PI4KA: variants seen among roughly 807,000 people sequenced by gnomAD.
PI4KA encodes PI4-kinase alpha.
In PI4KA, 122 loss-of-function variants were observed where a neutral mutation model predicts 271.4. That is an observed-to-expected ratio of 0.45 (90% CI 0.39 to 0.52). PI4KA has a LOEUF of 0.52. Among genes scored for constraint, PI4KA ranks in the 20% least tolerant of loss-of-function variants. PI4KA has a pLI of 0.00. For missense variants in PI4KA, 1,969 were observed against 2,769.1 expected, an observed-to-expected ratio of 0.71 and a Z score of 6.48; for synonymous variants, 1,041 against 1,078.8, an observed-to-expected ratio of 0.96 and a Z score of 0.69.
At position 20,834,676 on chromosome 22, in the gene PI4KA, T is replaced by C. The variant is rs5760899; in HGVS notation, c.274-21A>G. The C allele has an allele frequency of 0.074, 107,654 of 1,464,000 alleles. 4,047 individuals carry two copies. Among genetic ancestry groups the C allele is most frequent in the Non-Finnish European group, 0.077 (80,999 of 1,047,388 alleles). The allele number at this position is 1,464,000 out of a possible 1,614,324, so 90.7% of individuals were successfully genotyped here. On this transcript the variant is annotated intron_variant, in intron 2 of 54. Coordinates refer to ENST00000255882, the MANE Select transcript of PI4KA (RefSeq NM_058004.4). ...TTGTGCTAAAAAATAATAAGAAGAA[T>C]AATAAATTAGATTTAATAAAATAAG... is the stretch of plus-strand genomic sequence containing the variant.
chr22:20,841,102 A>G (rs1179428171), intron 1 of PI4KA, among the ~76,000 whole-genome samples: 1 of 152,024 alleles, frequency 6.6e-6, no homozygotes, highest in Non-Finnish European at 1.5e-5. Context: ...CTGGTCTCGA[A>G]CTCCTTATCT....
intron 3 of PI4KA, among the ~76,000 whole-genome samples, chr22:20,829,957 C>T (rs755780662): frequency 5.3e-5 from 8 of 152,122 alleles, no homozygotes; most frequent in Non-Finnish European, 1.2e-4. Context: ...TAATTATATG[C>T]TTTCAGTGAT....
chr22:20,726,651 G>C, intron 41 of PI4KA, 110 bp from the exon 42 acceptor site: 2 of 966,584 alleles, frequency 2.1e-6, no homozygotes, highest in Non-Finnish European at 3.0e-6. Flanking sequence ...GCTGAGAACT[G>C]GGGAAAGCCC....
Position 20,751,322 on chromosome 22 carries a change from T to C in PI4KA, c.3124A>G (p.Thr1042Ala). The change falls in exon 27 of 55, where the codon ACG becomes GCG. Residue 1042 changes from threonine to alanine, a missense_variant. Around this residue, in one of 13 missense-constraint regions of PI4KA, gnomAD observed 368 missense variants for 544.3 expected, o/e 0.68. Transcript: ENST00000255882. ...CGGGCTTCGTACGTGTCAGGAACCG[T>C]GATCCGGTAGGGGGCGTCGGGGATG... The part of the protein sequence containing the change: ...YDIPDAPYRI[T>A]VPDTYEARES... 8.7e-6 allele frequency: 14 copies of C among 1,614,038 alleles called. No homozygotes were observed. Among genetic ancestry groups the C allele is most frequent in the Non-Finnish European group, 1.2e-5 (14 of 1,179,964 alleles).
At chr22:20,809,143 G>A (rs1384788397) in intron 9 of PI4KA, among the ~76,000 whole-genome samples, 1 of 152,148 alleles carries the variant, frequency 6.6e-6, no homozygotes, top group Non-Finnish European at 1.5e-5. Flanking sequence ...GCAGTTCAGG[G>A]CTTTGACTCT....
chr22:20,836,626 G>A (rs1358832956), intron 2 of PI4KA, among the ~76,000 whole-genome samples: 4 of 152,202 alleles, frequency 2.6e-5, no homozygotes, highest in Non-Finnish European at 5.9e-5. Context: ...GGAGGTCAAT[G>A]CACAGCCCAT....
At chr22:20,742,902 G>A in intron 30 of PI4KA, 138 bp from the exon 31 acceptor site, 4 of 694,542 alleles carry the variant, frequency 5.8e-6, no homozygotes, top group Non-Finnish European at 7.6e-6. Flanking sequence ...CATGCAGAGA[G>A]ACAGGCTCAT....
chr22:20,707,784 T>C lies in PI4KA; in HGVS notation c.*263A>G. 1.8e-6 allele frequency: 1 copy of C among 564,162 alleles called. No homozygotes were observed. The allele number at this position is 564,162 out of a possible 1,614,324, so 34.9% of individuals were successfully genotyped here. ...CACAATACTTCATGTACCTATGAAATAAGACAGGTAGGGAATATGTCCAGT... is the reference window on the plus strand; with the variant it reads ...CACAATACTTCATGTACCTATGAAACAAGACAGGTAGGGAATATGTCCAGT... On this transcript the variant is annotated 3_prime_UTR_variant, in exon 55 of 55. Transcript: ENST00000255882.
intron 8 of PI4KA, among the ~76,000 whole-genome samples, chr22:20,812,944 A>C (rs1921259760): frequency 6.6e-6 from 1 of 152,182 alleles, no homozygotes; most frequent in East Asian, 1.9e-4. Context: ...AATGTCATCC[A>C]AAGGTACCCA....
intron 1 of PI4KA, among the ~76,000 whole-genome samples, chr22:20,841,749 A>G (rs1464814151): frequency 1.3e-5 from 2 of 152,196 alleles, no homozygotes; most frequent in Non-Finnish European, 2.9e-5. Context: ...GATATCCTGG[A>G]TTATTTAGAT....
rs1000153869 is a variant in PI4KA, at chr22:20,729,679, G to A, written c.4441C>T (p.Leu1481=). 1.9e-6 allele frequency: 3 copies of A among 1,589,458 alleles called. No homozygotes were observed. The highest frequency in any genetic ancestry group is 2.6e-6 in the Non-Finnish European group (3 of 1,166,028). ...MSKKTNRGSQ[L]HKYYMKRRTL... Reference sequence around the variant, plus strand: ...CTGCGCTTCATGTAGTATTTGTGCAGCTGGGAGCCCCGGTTGGTTTTCTTA... The same window carrying A: ...CTGCGCTTCATGTAGTATTTGTGCAACTGGGAGCCCCGGTTGGTTTTCTTA... The change falls in exon 38 of 55, where the codon CTG becomes TTG. Residue 1481 remains leucine (L), a synonymous_variant. Coordinates refer to ENST00000255882, the MANE Select transcript of PI4KA (RefSeq NM_058004.4).
At chr22:20,742,915 C>G (rs775436878) in intron 30 of PI4KA, 151 bp from the exon 31 acceptor site, 12 of 653,652 alleles carry the variant, frequency 1.8e-5, no homozygotes, top group Non-Finnish European at 3.3e-5. Flanking sequence ...AGGCTCATTT[C>G]AATGATGCTA....
chr22:20,831,793 T>G (rs1166767010), intron 3 of PI4KA, among the ~76,000 whole-genome samples: 1 of 152,146 alleles, frequency 6.6e-6, no homozygotes, highest in Non-Finnish European at 1.5e-5. Context: ...GATGACTATG[T>G]GCCTTGGGGA....
intron 12 of PI4KA, among the ~76,000 whole-genome samples, chr22:20,803,619 G>T (rs745729305): frequency 6.6e-6 from 1 of 152,094 alleles, no homozygotes; most frequent in African/African-American, 2.4e-5. Flanking sequence ...TGACTTACTG[G>T]GCTTAAGCAA....
rs1325863520 is a variant in PI4KA, at chr22:20,799,675, C to T, written c.1816G>A (p.Asp606Asn). The T allele has an allele frequency of 2.6e-6, 4 of 1,549,112 alleles. No individual in the cohort carries two copies. Among genetic ancestry groups the T allele is most frequent in the South Asian group, 1.2e-5 (1 of 83,970 alleles). ...SNRLYISQES[D>N]KDAHLIPDHT... ...GAGACAGGAATAGGGGCGTACTTGT[C>T]GCTCTCCTGAGAGATGTAGAGCCGG... The change falls in exon 15 of 55, where the codon GAC becomes AAC. Residue 606 changes from aspartate (D) to asparagine (N), a missense_variant. Transcript: ENST00000255882.
At chr22:20,755,543 G>A (rs1020264308) in intron 23 of PI4KA, among the ~76,000 whole-genome samples, 9 of 152,228 alleles carry the variant, frequency 5.9e-5, no homozygotes, top group Admixed American at 5.2e-4. Flanking sequence ...GCTCATGCCT[G>A]TAATCCCAGC....
chr22:20,794,120 A>G (rs1934825677), intron 18 of PI4KA, among the ~76,000 whole-genome samples: 1 of 152,264 alleles, frequency 6.6e-6, no homozygotes, highest in African/African-American at 2.4e-5. Context: ...GAAAATTTAA[A>G]AAGAATGCCA....
chr22:20,779,719 A>G (rs61730767), intron 19 of PI4KA: 3 of 1,614,160 alleles, frequency 1.9e-6, no homozygotes, highest in Non-Finnish European at 2.5e-6. Flanking sequence ...TTCGCTTTCA[A>G]CCTCTACCGA....
intron 52 of PI4KA, chr22:20,710,296 G>A (rs1925086951): frequency 1.8e-6 from 1 of 542,992 alleles, no homozygotes; most frequent in African/African-American, 1.9e-5. Flanking sequence ...ACGCTGACCT[G>A]CCTTTCTCTG....
Sources: allele counts gnomAD v4.1 joint callset (sites outside exome capture counted in the v4.1 genomes callset), GRCh38; gene constraint gnomAD v4.1.1; regional missense constraint gnomAD v4.1.1; transcripts MANE v1.5; gene names NCBI Gene and HGNC (gene_info 2026-07-23, HGNC 2026-07-21).